The following KAZN variants were observed in gnomAD, a reference collection of about 807,000 sequenced individuals.
KAZN encodes the protein kazrin.
In KAZN, 40 loss-of-function variants were observed where a neutral mutation model predicts 87.4. The ratio of observed to expected loss-of-function variants is 0.46; its 90% CI spans 0.36 to 0.60. The LOEUF (loss-of-function observed/expected upper bound fraction) is 0.60, where lower values mean the gene tolerates loss of function less well. Ranked by LOEUF, KAZN falls within the 20% of genes least tolerant of loss-of-function variation. The pLI is 0.00. For missense variants in KAZN, 898 were observed against 1,073.9 expected (o/e 0.84, Z 2.29); for synonymous variants, 466 against 458.3 (o/e 1.02, Z -0.22).
At chr1:14,681,949 G>A (rs1479118883) in intron 1 of KAZN, among the ~76,000 whole-genome samples, 1 of 151,772 alleles carries the variant, frequency 6.6e-6, no homozygotes, top group Non-Finnish European at 1.5e-5. Context: ...GCCTCTCAAA[G>A]TGCTGGGATT....
At chr1:14,851,646 C>G (rs930356544) in intron 1 of KAZN, among the ~76,000 whole-genome samples, 2 of 152,224 alleles carry the variant, frequency 1.3e-5, no homozygotes, top group Admixed American at 1.3e-4. Flanking sequence ...CCTGGCTCTT[C>G]CCACTTCCAC....
intron 2 of KAZN, among the ~76,000 whole-genome samples, chr1:14,185,361 G>A (rs1305361026): frequency 1.3e-5 from 2 of 152,156 alleles, no homozygotes; most frequent in Non-Finnish European, 2.9e-5. Flanking sequence ...CCTTGTAAAA[G>A]TCATAGGAGA....
At chr1:14,155,161 C>T (rs868706863) in intron 1 of KAZN, among the ~76,000 whole-genome samples, 9 of 152,102 alleles carry the variant, frequency 5.9e-5, no homozygotes, top group African/African-American at 2.2e-4. Context: ...GTCATCAAGT[C>T]TGGGCTTTTC....
At chr1:14,258,456 C>T (rs544464318) in intron 2 of KAZN, among the ~76,000 whole-genome samples, 10 of 147,712 alleles carry the variant, frequency 6.8e-5, no homozygotes, top group African/African-American at 2.5e-4. Context: ...AGGATGGTCT[C>T]GATCTCCTGA....
chr1:14,752,582 T>C (rs571800162), intron 1 of KAZN, among the ~76,000 whole-genome samples: 1 of 152,128 alleles, frequency 6.6e-6, no homozygotes, highest in Admixed American at 6.5e-5. Context: ...TGTCCTCACA[T>C]GGTGGAAGGA....
intron 2 of KAZN, among the ~76,000 whole-genome samples, chr1:14,315,848 G>T (rs749873329): frequency 3.5e-4 from 53 of 151,896 alleles, no homozygotes; most frequent in Non-Finnish European, 6.3e-4. Flanking sequence ...TATGAATAAG[G>T]TTGCTGTAAA....
intron 2 of KAZN, among the ~76,000 whole-genome samples, chr1:14,270,789 A>C (rs535747658): frequency 6.6e-6 from 1 of 151,878 alleles, no homozygotes; most frequent in African/African-American, 2.4e-5. Flanking sequence ...TTTTTTCTGG[A>C]CCTCATAAGG....
Position 14,439,279 on chromosome 1 carries a change from A to G in KAZN, c.250-159704A>G, listed in dbSNP as rs116459033. 9.7e-4 allele frequency among the ~76,000 whole-genome samples: 148 copies of G among 152,242 alleles called. 1 individual carries two copies. Among genetic ancestry groups the G allele is most frequent in the African/African-American group, 3.5e-3 (144 of 41,548 alleles). On this transcript the variant is annotated intron_variant, in intron 2 of 16. Coordinates refer to the KAZN transcript ENST00000636203. The stretch of plus-strand genomic sequence containing the variant: ...CATGCTCCCTATGTGATCCATCAGC[A>G]AGTTCTGTTGGCTCTGCATTCAAAA...
At chr1:14,351,049 G>A (rs1031588716) in intron 2 of KAZN, 3 of 152,232 alleles carry the variant, frequency 2.0e-5, no homozygotes, top group Admixed American at 2.0e-4. Flanking sequence ...AAGAGCACAA[G>A]CCAATCAGGA....
intron 2 of KAZN, among the ~76,000 whole-genome samples, chr1:14,565,124 G>T (rs1674481181): frequency 1.3e-5 from 2 of 152,044 alleles, no homozygotes; most frequent in Non-Finnish European, 2.9e-5. Context: ...CATACAGTTG[G>T]AGACCCCTAG....
At chr1:14,597,365 G>T (rs752885940), upstream of KAZN, among the ~76,000 whole-genome samples, 33 of 152,126 alleles carry the variant, frequency 2.2e-4, no homozygotes, top group Middle Eastern at 3.2e-3. Flanking sequence ...CACAGAAAAG[G>T]GGGGAGAAAT....
intron 1 of KAZN, among the ~76,000 whole-genome samples, chr1:14,721,865 A>T (rs369480382): frequency 2.6e-5 from 4 of 152,178 alleles, no homozygotes; most frequent in Admixed American, 2.0e-4. Context: ...AAAAATGGTA[A>T]GGAATAGACC....
At chr1:13,926,709 T>C (rs1447260358) in intron 1 of KAZN, among the ~76,000 whole-genome samples, 2 of 151,526 alleles carry the variant, frequency 1.3e-5, no homozygotes, top group Admixed American at 1.3e-4. Flanking sequence ...TAAATGGCTG[T>C]AAATTTTCCC....
At chr1:14,413,171 A>G (rs1354926378) in intron 2 of KAZN, among the ~76,000 whole-genome samples, 1 of 151,662 alleles carries the variant, frequency 6.6e-6, no homozygotes, top group Non-Finnish European at 1.5e-5. Flanking sequence ...TCTATTAGAT[A>G]GAGGTGACAT....
rs140194251 is a variant in KAZN at position 14,396,038 on chromosome 1, C to T, written c.250-202945C>T. Among the ~76,000 whole-genome samples the T allele has an allele frequency of 5.5e-4, 84 of 151,874 alleles. No homozygotes were observed. In the East Asian group the frequency reaches 0.014, roughly 26 times the overall value. ...CAAAAATTAGCCTGGCATAGTGGCG[C>T]GCCCCTGTAATCCCAGCCACTCAGG... On this transcript the variant is annotated intron_variant, in intron 2 of 16. Coordinates refer to the KAZN transcript ENST00000636203.
chr1:14,409,536 C>A (rs578183035), intron 2 of KAZN, among the ~76,000 whole-genome samples: 1 of 152,170 alleles, frequency 6.6e-6, no homozygotes, highest in African/African-American at 2.4e-5. Context: ...CACACTACCC[C>A]AGAAGCCCCA....
chr1:14,989,678 G>A (rs1036487129), intron 2 of KAZN, among the ~76,000 whole-genome samples: 10 of 152,282 alleles, frequency 6.6e-5, no homozygotes, highest in African/African-American at 2.2e-4. Context: ...CAGTGTGGGG[G>A]TAGTAGTAGA....
chr1:14,946,559 A>G (rs1015035807), intron 1 of KAZN, among the ~76,000 whole-genome samples: 3 of 151,980 alleles, frequency 2.0e-5, no homozygotes, highest in African/African-American at 7.2e-5. Flanking sequence ...GGATGGTCTC[A>G]ATCTGGTTTA....
intron 1 of KAZN, among the ~76,000 whole-genome samples, chr1:14,887,283 A>G (rs1378144035): frequency 6.6e-6 from 1 of 152,194 alleles, no homozygotes; most frequent in African/African-American, 2.4e-5. Context: ...CTCCCTGTGC[A>G]ATGAAGCAAA....
Sources: allele counts gnomAD v4.1 joint callset (sites outside exome capture counted in the v4.1 genomes callset), GRCh38; gene constraint gnomAD v4.1.1; transcripts MANE v1.5; gene names NCBI Gene and HGNC (gene_info 2026-07-23, HGNC 2026-07-21).